The following GRIK2 variants were observed in gnomAD, a reference collection of about 807,000 sequenced individuals.
The protein encoded by GRIK2 is glutamate ionotropic receptor kainate type subunit 2.
A neutral mutation model predicts 100.3 loss-of-function variants in GRIK2; 32 were observed. That is an observed-to-expected ratio of 0.32 (90% CI 0.24 to 0.43). The LOEUF (loss-of-function observed/expected upper bound fraction) is 0.43. Among genes scored for constraint, GRIK2 ranks in the 20% least tolerant of loss-of-function variants. The pLI is 1.00. For missense variants in GRIK2, 843 were observed against 1,114.9 expected, an observed-to-expected ratio of 0.76 and a Z score of 3.47; for synonymous variants, 417 against 389.4, an observed-to-expected ratio of 1.07 and a Z score of -0.83.
intron 12 of GRIK2, among the ~76,000 whole-genome samples, chr6:101,906,226 A>T (rs1451442103): frequency 6.6e-6 from 1 of 151,718 alleles, no homozygotes; most frequent in Non-Finnish European, 1.5e-5. Flanking sequence ...GCTTGACTGT[A>T]GTGATATTAA....
chr6:101,943,795 C>G (rs1033335459), intron 14 of GRIK2, among the ~76,000 whole-genome samples: 1 of 152,106 alleles, frequency 6.6e-6, no homozygotes, highest in African/African-American at 2.4e-5. Flanking sequence ...TTTACAGGCT[C>G]ATAGGCAAAA....
At chr6:101,507,073 G>A (rs926146903) in intron 2 of GRIK2, among the ~76,000 whole-genome samples, 2 of 152,022 alleles carry the variant, frequency 1.3e-5, no homozygotes, top group African/African-American at 4.8e-5. Context: ...AGAGTCAGAT[G>A]TTTCCTTTTC....
intron 7 of GRIK2, among the ~76,000 whole-genome samples, chr6:101,777,252 G>A (rs554210995): frequency 2.0e-5 from 3 of 152,246 alleles, no homozygotes; most frequent in Non-Finnish European, 4.4e-5. Flanking sequence ...AGCAGCCACC[G>A]CACACCTGCT....
chr6:101,558,875 CTT>C (rs768177408), intron 2 of GRIK2, among the ~76,000 whole-genome samples: 1 of 151,578 alleles, frequency 6.6e-6, no homozygotes, highest in Non-Finnish European at 1.5e-5. Flanking sequence ...GATTTTTTTT[CTT>C]TTTCTGTATG....
intron 9 of GRIK2, among the ~76,000 whole-genome samples, chr6:101,811,818 G>T (rs1348116942): frequency 6.6e-6 from 1 of 151,272 alleles, no homozygotes. Context: ...TTTGTACTGA[G>T]AAAACTGTCA....
At chr6:101,708,036 A>C (rs929794261) in intron 7 of GRIK2, among the ~76,000 whole-genome samples, 1 of 151,748 alleles carries the variant, frequency 6.6e-6, no homozygotes, top group Admixed American at 6.6e-5. Context: ...TATGGTTCCC[A>C]ATTGCTTTTC....
chr6:101,924,763 C>A, intron 13 of GRIK2, 44 bp downstream of exon 13: 1 of 1,211,258 alleles, frequency 8.3e-7, no homozygotes, highest in Non-Finnish European at 1.2e-6. Flanking sequence ...CCATGTCCCA[C>A]TCTTTGCTGG....
intron 7 of GRIK2, among the ~76,000 whole-genome samples, chr6:101,787,775 G>A (rs1178783556): frequency 1.3e-5 from 2 of 152,086 alleles, no homozygotes; most frequent in Admixed American, 6.6e-5. Flanking sequence ...TGTATATTCT[G>A]CAGTTGTTGG....
chr6:101,427,047 G>A (rs1413351170), intron 2 of GRIK2, among the ~76,000 whole-genome samples: 2 of 152,168 alleles, frequency 1.3e-5, no homozygotes, highest in African/African-American at 4.8e-5. Context: ...TAAAATGTTA[G>A]TTGTTTAATT....
intron 14 of GRIK2, among the ~76,000 whole-genome samples, chr6:102,019,048 A>C (rs1205095001): frequency 6.6e-6 from 1 of 152,064 alleles, no homozygotes; most frequent in East Asian, 1.9e-4. Context: ...AATAGATAAA[A>C]TTTGACTTGG....
intron 7 of GRIK2, among the ~76,000 whole-genome samples, chr6:101,691,157 C>A (rs921295975): frequency 1.3e-5 from 2 of 152,042 alleles, no homozygotes; most frequent in Non-Finnish European, 2.9e-5. Flanking sequence ...CATCTGTGTT[C>A]TAATCATTAG....
At chr6:101,831,898 G>A (rs1254693065) in intron 10 of GRIK2, among the ~76,000 whole-genome samples, 1 of 151,972 alleles carries the variant, frequency 6.6e-6, no homozygotes, top group Non-Finnish European at 1.5e-5. Flanking sequence ...AAATTTAACT[G>A]AGAACAAAAT....
intron 12 of GRIK2, among the ~76,000 whole-genome samples, chr6:101,900,302 T>C (rs1787756484): frequency 6.6e-6 from 1 of 151,850 alleles, no homozygotes; most frequent in African/African-American, 2.4e-5. Context: ...CCGTCTCCAC[T>C]AAAAATATAA....
intron 7 of GRIK2, among the ~76,000 whole-genome samples, chr6:101,704,989 ATATAT>A (rs1046294978): frequency 7.4e-4 from 98 of 131,658 alleles, no homozygotes; most frequent in African/African-American, 2.3e-3. Context: ...TTATATATTT[ATATAT>A]TATATTACAT....
chr6:101,803,480 A>T (rs9377306), intron 9 of GRIK2, among the ~76,000 whole-genome samples: 39,668 of 151,552 alleles, frequency 0.26, 6,889 homozygotes, highest in East Asian at 0.68. Flanking sequence ...GTGAAGACCA[A>T]GCAAAGTCAG....
intron 2 of GRIK2, among the ~76,000 whole-genome samples, chr6:101,552,907 A>G (rs1776577050): frequency 6.6e-6 from 1 of 152,198 alleles, no homozygotes; most frequent in African/African-American, 2.4e-5. Flanking sequence ...AGTTCAAACT[A>G]CTAGATTTTC....
chr6:101,686,371 A>G lies in GRIK2; in HGVS notation c.951+18A>G, dbSNP rs1176242851. Reference sequence around the variant, plus strand: ...TTATGACGGTATGAATACCCACTTAAAGATCAGTTTGTGTGTTTCTAAATA... The same window carrying G: ...TTATGACGGTATGAATACCCACTTAGAGATCAGTTTGTGTGTTTCTAAATA... On this transcript the variant is annotated intron_variant, in intron 7 of 16. Coordinates refer to ENST00000369134, the MANE Select transcript of GRIK2 (RefSeq NM_021956.5). 5 of 1,597,022 alleles carry G rather than the reference A, an allele frequency of 3.1e-6. No individual in the cohort carries two copies. The highest frequency in any genetic ancestry group is 4.3e-6 in the Non-Finnish European group (5 of 1,164,836).
chr6:101,673,739 CT>C (rs1248156258), intron 4 of GRIK2, among the ~76,000 whole-genome samples: 2 of 152,152 alleles, frequency 1.3e-5, no homozygotes, highest in Non-Finnish European at 2.9e-5. Flanking sequence ...ATGATGTGTT[CT>C]TTCCAACCAA....
intron 7 of GRIK2, among the ~76,000 whole-genome samples, chr6:101,707,439 C>T (rs1338888879): frequency 3.4e-5 from 5 of 146,220 alleles, no homozygotes; most frequent in African/African-American, 1.0e-4. Context: ...CTTTTATATA[C>T]ATTATCACAA....
Sources: allele counts gnomAD v4.1 joint callset (sites outside exome capture counted in the v4.1 genomes callset), GRCh38; gene constraint gnomAD v4.1.1; transcripts MANE v1.5; gene names NCBI Gene and HGNC (gene_info 2026-07-23, HGNC 2026-07-21).